Variants in DNAH17 observed in about 807,000 individuals in gnomAD.
DNAH17 encodes the protein dynein axonemal heavy chain 17, also known as axonemal beta dynein heavy chain 17.
DNAH17 carries 376 observed loss-of-function variants against 485.6 expected under a neutral mutation model. The ratio of observed to expected loss-of-function variants is 0.77; its 90% CI spans 0.71 to 0.84. The LOEUF is 0.84. Among genes scored for constraint, DNAH17 ranks in the 40% least tolerant of loss-of-function variants. The probability of loss-of-function intolerance (pLI) is 0.00; values close to 1 mark genes in which losing one functional copy is unlikely to be tolerated. For missense variants in DNAH17, 6,370 were observed against 5,839.3 expected (o/e 1.09, Z -2.96); for synonymous variants, 3,031 against 2,405.9 (o/e 1.26, Z -7.60).
At chr17:78,544,838 G>A (rs2091712335) in intron 16 of DNAH17, among the ~76,000 whole-genome samples, 3 of 138,308 alleles carry the variant, frequency 2.2e-5, no homozygotes. Context: ...GGGGGTGGTG[G>A]CCACTTTTAA....
intron 75 of DNAH17, among the ~76,000 whole-genome samples, chr17:78,429,931 CA>C (rs1442189958): frequency 6.6e-6 from 1 of 152,198 alleles, no homozygotes; most frequent in Non-Finnish European, 1.5e-5. Flanking sequence ...AGGGTTTGAG[CA>C]AGTGACTTAT....
intron 15 of DNAH17, 126 bp from the exon 16 acceptor site, chr17:78,551,764 C>A: frequency 2.5e-6 from 2 of 795,394 alleles, no homozygotes; most frequent in South Asian, 1.6e-5. Flanking sequence ...GAGTTCGAGA[C>A]CAGCCTGGGC....
At chr17:78,460,913 A>G (rs1417635464) in intron 58 of DNAH17, among the ~76,000 whole-genome samples, 10 of 152,140 alleles carry the variant, frequency 6.6e-5, no homozygotes, top group African/African-American at 1.9e-4. Flanking sequence ...GTGGGCCATG[A>G]CTGGAACGCT....
chr17:78,509,799 T>C (rs1195105985), intron 27 of DNAH17, among the ~76,000 whole-genome samples: 1 of 151,396 alleles, frequency 6.6e-6, no homozygotes, highest in Non-Finnish European at 1.5e-5. Context: ...GCAAAGGAAA[T>C]GCGAGTTCTG....
chr17:78,450,119 G>T, intron 68 of DNAH17, 135 bp downstream of exon 68: 1 of 1,058,488 alleles, frequency 9.4e-7, no homozygotes, highest in Admixed American at 2.5e-5. Flanking sequence ...AGCTCCATCT[G>T]CAGGCTGGAC....
chr17:78,558,730 TCTTCA>T (rs947972047), intron 13 of DNAH17, among the ~76,000 whole-genome samples: 7 of 152,222 alleles, frequency 4.6e-5, no homozygotes, highest in Non-Finnish European at 7.3e-5. Flanking sequence ...AGACTTCGGG[TCTTCA>T]CTTGTTTCCT....
chr17:78,565,279 T>A (rs1282570754), intron 11 of DNAH17, among the ~76,000 whole-genome samples: 4 of 152,260 alleles, frequency 2.6e-5, no homozygotes, highest in African/African-American at 7.2e-5. Context: ...TATAACTGAA[T>A]AATTTTTTCA....
Position 78,544,013 on chromosome 17 carries a change from A to G in DNAH17, c.2392-16T>C. Reference sequence around the variant, plus strand: ...CCGACCAGTCCTGGAAGGAAAGCACAGGAGTGAGAAAAGGTGTTCTGGAGA... The same window carrying G: ...CCGACCAGTCCTGGAAGGAAAGCACGGGAGTGAGAAAAGGTGTTCTGGAGA... On this transcript the variant is annotated splice_polypyrimidine_tract_variant and intron_variant, in intron 16 of 80. Transcript: ENST00000389840. 4 of 1,613,902 alleles carry G rather than the reference A, an allele frequency of 2.5e-6. No individual in the cohort carries two copies. Among genetic ancestry groups the G allele is most frequent in the Non-Finnish European group, 3.4e-6 (4 of 1,179,840 alleles).
chr17:78,441,414 GC>G (rs2087071576), intron 71 of DNAH17, among the ~76,000 whole-genome samples: 1 of 152,168 alleles, frequency 6.6e-6, no homozygotes, highest in South Asian at 2.1e-4. Flanking sequence ...TTCCCGAGGG[GC>G]CCCGCACTGT....
chr17:78,433,859 T>C (rs2086763707), intron 75 of DNAH17, among the ~76,000 whole-genome samples, 170 bp downstream of exon 75: 1 of 150,686 alleles, frequency 6.6e-6, no homozygotes, highest in Non-Finnish European at 1.5e-5. Flanking sequence ...AAGTTCTCTT[T>C]GGTTTGTGAA....
chr17:78,457,579 A>C (rs1034340897), intron 62 of DNAH17, among the ~76,000 whole-genome samples: 6 of 148,724 alleles, frequency 4.0e-5, no homozygotes, highest in African/African-American at 1.5e-4. Context: ...GGGTGTCACT[A>C]TGTTGCTCAG....
In DNAH17 at chr17:78,423,979, G is replaced by A. The variant is rs771797237; in HGVS notation, c.13316C>T (p.Thr4439Ile). 2 of 1,614,030 alleles carry A rather than the reference G, an allele frequency of 1.2e-6. No homozygotes were observed. Among genetic ancestry groups the A allele is most frequent in the Non-Finnish European group, 1.7e-6 (2 of 1,179,910 alleles). Reference sequence around the variant, plus strand: ...CTTCTCTTTGGTCTTCAAGTTAAAGGTCCAGACATAGGTGGGGCCGCGGAT... The same window carrying A: ...CTTCTCTTTGGTCTTCAAGTTAAAGATCCAGACATAGGTGGGGCCGCGGAT... ...TRIRGPTYVWTFNLKTKEKAA... is the reference protein window; with the variant it reads ...TRIRGPTYVWIFNLKTKEKAA... Residue 4439 changes from threonine to isoleucine, a missense_variant, in exon 81 of 81, where the codon ACC (threonine) becomes ATC (isoleucine). Coordinates refer to ENST00000389840, the MANE Select transcript of DNAH17 (RefSeq NM_173628.4).
chr17:78,541,769 T>C (rs1250848273), intron 17 of DNAH17, among the ~76,000 whole-genome samples: 1 of 152,158 alleles, frequency 6.6e-6, no homozygotes, highest in Admixed American at 6.5e-5. Context: ...GAAACTTTAC[T>C]AACCCTAAGT....
rs565994724 is a variant in DNAH17, at chr17:78,492,656, G to C, written c.6518C>G (p.Pro2173Arg). The change falls in exon 42 of 81, where the codon CCA becomes CGA. Residue 2173 changes from proline to arginine, a missense_variant. By Grantham distance (103) the Pro-to-Arg change is moderately radical (BLOSUM62 -2). Coordinates refer to ENST00000389840, the MANE Select transcript of DNAH17 (RefSeq NM_173628.4). ...TCDELFGIIN[P>R]VTREWKDGLF... ...ACCATCTTTCCATTCCCTGGTCACT[G>C]GGTTGATGATGCCAAAGAGCTCGTC... 3.1e-6 allele frequency: 5 copies of C among 1,613,648 alleles called. No individual in the cohort carries two copies. The African/African-American group carries it at 6.7e-5, about 22-fold the overall frequency.
intron 26 of DNAH17, 123 bp from the exon 27 acceptor site, chr17:78,510,629 A>T: frequency 7.5e-7 from 1 of 1,340,914 alleles, no homozygotes; most frequent in East Asian, 2.4e-5. Flanking sequence ...GGAGGGAGGG[A>T]GGCGAGCTCT....
chr17:78,500,389 G>T lies in DNAH17; in HGVS notation c.5556C>A (p.Gly1852=), dbSNP rs2090237594. The change falls in exon 36 of 81, where the codon GGC becomes GGA. Residue 1852 remains glycine (G), a synonymous_variant. Transcript: ENST00000389840. ...GGAPAGPAGT[G]KTETTKDLGR... ...CCAGGTCCTTGGTCGTCTCAGTCTT[G>T]CCGGTCCCAGCGGGGCCGGCAGGGG... The T allele has an allele frequency of 1.9e-6, 3 of 1,612,220 alleles. No individual in the cohort carries two copies. Among genetic ancestry groups the T allele is most frequent in the Non-Finnish European group, 2.5e-6 (3 of 1,179,374 alleles).
Position 78,512,027 on chromosome 17 carries a change from C to T in DNAH17, c.4114-1521G>A, listed in dbSNP as rs563126621. Among the ~76,000 whole-genome samples, 3 of 152,314 alleles carry T rather than the reference C, an allele frequency of 2.0e-5. No individual in the cohort carries two copies. In the South Asian group the frequency reaches 6.2e-4, roughly 32 times the overall value. ...CTGGGTTTGCTTTTCCTTCCTTGGG[C>T]CTAGGGAGCAGAAGGGCCCTGGACA... On this transcript the variant is annotated intron_variant, in intron 26 of 80. Coordinates refer to ENST00000389840, the MANE Select transcript of DNAH17 (RefSeq NM_173628.4).
intron 74 of DNAH17, among the ~76,000 whole-genome samples, chr17:78,435,141 C>G (rs8080234): frequency 6.6e-6 from 1 of 151,898 alleles, no homozygotes; most frequent in Non-Finnish European, 1.5e-5. Flanking sequence ...TGGCCAGTCC[C>G]TTTCAGACCT....
intron 77 of DNAH17, 140 bp from the exon 78 acceptor site, chr17:78,427,248 C>T (rs2086508372): frequency 1.3e-6 from 1 of 796,000 alleles, no homozygotes; most frequent in African/African-American, 1.7e-5. Flanking sequence ...GCCAGAAATG[C>T]AGGGTCATGG....
Sources: gnomAD v4.1 joint callset for allele counts (sites outside exome capture counted in the v4.1 genomes callset) on GRCh38, gnomAD v4.1.1 for gene constraint, MANE v1.5 for transcripts, NCBI Gene and HGNC (gene_info 2026-07-23, HGNC 2026-07-21) for gene names.